The following KCNQ3 variants were observed in gnomAD, a reference collection of about 807,000 sequenced individuals.
The protein encoded by KCNQ3 is potassium voltage-gated channel subfamily Q member 3, also known as potassium voltage-gated channel subfamily KQT member 3.
A neutral mutation model predicts 92.5 loss-of-function variants in KCNQ3; 30 were observed. The observed-to-expected ratio is 0.32, with a 90% CI of 0.24 to 0.44. The LOEUF is 0.44. Ranked by LOEUF, KCNQ3 falls within the 20% of genes least tolerant of loss-of-function variation. The pLI, the probability that KCNQ3 is intolerant of heterozygous loss-of-function variation, is 1.00. For missense variants in KCNQ3, 913 were observed against 1,140.3 expected, an observed-to-expected ratio of 0.80 and a Z score of 2.87; for synonymous variants, 450 against 468.8, an observed-to-expected ratio of 0.96 and a Z score of 0.52.
chr8:132,364,748 ATGGATGGATGGG>A (rs1346485125), intron 1 of KCNQ3, among the ~76,000 whole-genome samples: 3 of 151,982 alleles, frequency 2.0e-5, no homozygotes, highest in Non-Finnish European at 2.9e-5. Flanking sequence ...GGCTGGTTGG[ATGGATGGATGGG>A]TGGATGGATG....
intron 1 of KCNQ3, among the ~76,000 whole-genome samples, chr8:132,464,791 T>C (rs991133193): frequency 7.9e-5 from 12 of 152,228 alleles, no homozygotes; most frequent in African/African-American, 2.9e-4. Flanking sequence ...CACACCATTA[T>C]GCAATTATTT....
intron 1 of KCNQ3, among the ~76,000 whole-genome samples, chr8:132,445,931 C>G (rs1407136200): frequency 6.6e-6 from 1 of 152,152 alleles, no homozygotes; most frequent in Non-Finnish European, 1.5e-5. Flanking sequence ...CTATTAAACA[C>G]TTTATAATTT....
chr8:132,240,444 C>A lies in KCNQ3; in HGVS notation c.387-54263G>T, dbSNP rs183375742. Among the ~76,000 whole-genome samples the A allele has an allele frequency of 4.9e-3, 745 of 152,292 alleles. 7 individuals are homozygous for A. The highest frequency in any genetic ancestry group is 0.017 in the African/African-American group (721 of 41,560). ...CAGGTGATCCACCTGCCTCAGTATC[C>A]CAAAGTGCTCGGATTACAGGCATGA... On this transcript the variant is annotated intron_variant, in intron 1 of 14. Coordinates refer to ENST00000388996, the MANE Select transcript of KCNQ3 (RefSeq NM_004519.4).
intron 13 of KCNQ3, 143 bp from the exon 14 acceptor site, chr8:132,132,407 G>A: frequency 1.4e-6 from 1 of 715,454 alleles, no homozygotes. Flanking sequence ...AATCAACTCT[G>A]GAGGCATATG....
chr8:132,320,156 T>C (rs1817858173), intron 1 of KCNQ3, among the ~76,000 whole-genome samples: 1 of 152,232 alleles, frequency 6.6e-6, no homozygotes, highest in Non-Finnish European at 1.5e-5. Flanking sequence ...CAGTTCCCAG[T>C]TTCTAGAGGA....
intron 9 of KCNQ3, among the ~76,000 whole-genome samples, chr8:132,156,739 C>T (rs1349901509): frequency 6.6e-6 from 1 of 152,158 alleles, no homozygotes; most frequent in Non-Finnish European, 1.5e-5. Context: ...CATGTAGTAT[C>T]GCTAACCCAA....
chr8:132,262,728 T>A (rs912925261), intron 1 of KCNQ3, among the ~76,000 whole-genome samples: 2 of 150,694 alleles, frequency 1.3e-5, no homozygotes, highest in African/African-American at 4.9e-5. Flanking sequence ...TTGGGTCCCC[T>A]ATGACACCAT....
chr8:132,239,244 T>C (rs1814912067), intron 1 of KCNQ3, among the ~76,000 whole-genome samples: 1 of 152,226 alleles, frequency 6.6e-6, no homozygotes, highest in Non-Finnish European at 1.5e-5. Context: ...TCCTGTTTAA[T>C]TTGATTCGAT....
intron 13 of KCNQ3, among the ~76,000 whole-genome samples, chr8:132,133,948 G>A (rs1229452538): frequency 1.3e-5 from 2 of 152,222 alleles, no homozygotes; most frequent in African/African-American, 4.8e-5. Flanking sequence ...GCAGGATGGA[G>A]AATGCTCTGG....
At chr8:132,339,436 C>G (rs2130681078) in intron 1 of KCNQ3, among the ~76,000 whole-genome samples, 1 of 152,280 alleles carries the variant, frequency 6.6e-6, no homozygotes, top group African/African-American at 2.4e-5. Context: ...CTCTTTACCA[C>G]CATGTACCAT....
chr8:132,219,588 C>T (rs934388285), intron 1 of KCNQ3, among the ~76,000 whole-genome samples: 1 of 152,102 alleles, frequency 6.6e-6, no homozygotes, highest in African/African-American at 2.4e-5. Flanking sequence ...AACAATAATA[C>T]CTAAAAATGG....
intron 1 of KCNQ3, among the ~76,000 whole-genome samples, chr8:132,415,667 A>T (rs569754401): frequency 2.8e-4 from 43 of 152,004 alleles, no homozygotes; most frequent in Middle Eastern, 3.4e-3. Flanking sequence ...TGTACATGGT[A>T]TGGACAGTTC....
At chr8:132,297,730 T>C (rs1295173231) in intron 1 of KCNQ3, among the ~76,000 whole-genome samples, 2 of 152,248 alleles carry the variant, frequency 1.3e-5, no homozygotes, top group Non-Finnish European at 2.9e-5. Flanking sequence ...ACTGTGGATC[T>C]GAGCAGGGCT....
At chr8:132,208,815 A>G (rs1813754759) in intron 1 of KCNQ3, among the ~76,000 whole-genome samples, 1 of 152,194 alleles carries the variant, frequency 6.6e-6, no homozygotes, top group South Asian at 2.1e-4. Context: ...AAGTGAGCTC[A>G]TACACAGAAA....
At chr8:132,480,067 G>A in intron 1 of KCNQ3, 80 bp downstream of exon 1, 1 of 1,406,566 alleles carries the variant, frequency 7.1e-7, no homozygotes, top group Middle Eastern at 2.2e-4. Flanking sequence ...TAAAGCCCCA[G>A]AGACTTCTCA....
rs1824656360 is a variant in KCNQ3 at position 132,126,108 on chromosome 8, A to G, written c.*3154T>C. On this transcript the variant is annotated 3_prime_UTR_variant, in exon 15 of 15. Transcript: ENST00000388996. ...TGACCCAGAAAGACCAAATACATAC[A>G]TGAGATCATAGTTTTACCTGATAAT... 1 of 152,238 alleles carries G rather than the reference A, an allele frequency of 6.6e-6. No homozygotes were observed. Among genetic ancestry groups the G allele is most frequent in the Non-Finnish European group, 1.5e-5 (1 of 68,044 alleles). The allele number at this position is 152,238 out of a possible 1,614,324, so 9.4% of individuals were successfully genotyped here.
At chr8:132,252,072 A>G (rs1165851238) in intron 1 of KCNQ3, among the ~76,000 whole-genome samples, 2 of 152,024 alleles carry the variant, frequency 1.3e-5, no homozygotes, top group Admixed American at 6.5e-5. Context: ...CATGGCCACT[A>G]TGTATGATCT....
chr8:132,419,298 C>T (rs182130761), intron 1 of KCNQ3, among the ~76,000 whole-genome samples: 5 of 152,158 alleles, frequency 3.3e-5, no homozygotes, highest in Admixed American at 1.3e-4. Flanking sequence ...ACTATTAGAC[C>T]ATTTGTCTGG....
At chr8:132,452,159 C>T (rs1386807999) in intron 1 of KCNQ3, among the ~76,000 whole-genome samples, 1 of 152,166 alleles carries the variant, frequency 6.6e-6, no homozygotes, top group Non-Finnish European at 1.5e-5. Context: ...ACATTCGCAT[C>T]GTTGTGCAAC....
Sources: allele counts gnomAD v4.1 joint callset (sites outside exome capture counted in the v4.1 genomes callset), GRCh38; gene constraint gnomAD v4.1.1; transcripts MANE v1.5; gene names NCBI Gene and HGNC (gene_info 2026-07-23, HGNC 2026-07-21).